ADHFE1: variants seen among roughly 807,000 people sequenced by gnomAD.
The protein encoded by ADHFE1 is alcohol dehydrogenase iron containing 1.
A neutral mutation model predicts 54.8 loss-of-function variants in ADHFE1; 37 were observed. The observed-to-expected ratio is 0.68, with a 90% confidence interval of 0.52 to 0.89. ADHFE1 has a LOEUF of 0.89. Ranked by LOEUF, ADHFE1 falls within the 40% of genes least tolerant of loss-of-function variation. The pLI is 0.00. For missense variants in ADHFE1, 601 were observed against 591.2 expected, an observed-to-expected ratio of 1.02 and a Z score of -0.17; for synonymous variants, 203 against 229.3, an observed-to-expected ratio of 0.89 and a Z score of 1.04.
At chr8:66,442,586 C>T (rs562062311) in intron 2 of ADHFE1, among the ~76,000 whole-genome samples, 2 of 152,228 alleles carry the variant, frequency 1.3e-5, no homozygotes, top group East Asian at 1.9e-4. Context: ...GCTGGGATTA[C>T]AGGTGTGAGC....
At chr8:66,457,660 T>C (rs1212456852) in intron 12 of ADHFE1, among the ~76,000 whole-genome samples, 2 of 152,074 alleles carry the variant, frequency 1.3e-5, no homozygotes, top group African/African-American at 2.4e-5. Flanking sequence ...TCCTGTTTCT[T>C]TAAAAACATT....
chr8:66,456,877 T>C lies in ADHFE1; in HGVS notation c.1047T>C (p.Asn349=). The C allele has an allele frequency of 6.4e-7, 1 of 1,574,632 alleles. No individual in the cohort carries two copies. Among genetic ancestry groups the C allele is most frequent in the Non-Finnish European group, 8.6e-7 (1 of 1,164,758 alleles). The change falls in exon 11 of 14, where the codon AAT becomes AAC. Residue 349 remains asparagine (N), a synonymous_variant. Transcript: ENST00000396623. ...AGATGTATAAAGCAAAGGATTACAA[T>C]GTGGATCACCCACTGGTGGTAAAAT... The part of the protein sequence containing the change: ...LVKMYKAKDY[N]VDHPLVPHGL...
chr8:66,466,947 G>A (rs1029539510), intron 13 of ADHFE1, among the ~76,000 whole-genome samples: 1 of 152,232 alleles, frequency 6.6e-6, no homozygotes, highest in African/African-American at 2.4e-5. Flanking sequence ...TAGCCTTAGA[G>A]GCCATGGTTT....
At chr8:66,450,432 G>A (rs148173646) in intron 8 of ADHFE1, among the ~76,000 whole-genome samples, 35 of 152,318 alleles carry the variant, frequency 2.3e-4, no homozygotes, top group African/African-American at 8.4e-4. Context: ...TGAGGAATCT[G>A]CCCATAAGGC....
At chr8:66,447,430 A>C in intron 7 of ADHFE1, 89 bp downstream of exon 7, 1 of 1,133,186 alleles carries the variant, frequency 8.8e-7, no homozygotes, top group South Asian at 1.4e-5. Context: ...AGCAGTTATG[A>C]TACAGTTAGA....
chr8:66,444,746 A>G lies in ADHFE1; in HGVS notation c.351A>G (p.Ser117=), dbSNP rs148000398. The G allele has an allele frequency of 2.2e-5, 35 of 1,613,834 alleles. No homozygotes were observed. The African/African-American group carries it at 4.4e-4, about 20-fold the overall frequency. The change falls in exon 5 of 14, where the codon TCA becomes TCG. Residue 117 remains serine, a splice_region_variant and synonymous_variant. Coordinates refer to ENST00000396623, the MANE Select transcript of ADHFE1 (RefSeq NM_144650.3). The part of the protein sequence containing the change: ...YDNVRVEPTD[S]SFMEAIEFAQ... ...ATGTGAGAGTGGAACCAACGGATTC[A>G]AGGTATTCTTGTATTGTTGTTATTG...
rs202039447 is a variant in ADHFE1, at chr8:66,445,276, G to A, written c.412G>A (p.Gly138Ser). Residue 138 changes from glycine (G) to serine (S), a missense_variant, in exon 6 of 14, where the codon GGT (glycine) becomes AGT (serine). Coordinates refer to ENST00000396623, the MANE Select transcript of ADHFE1 (RefSeq NM_144650.3). ...KGAFDAYVAVGGGSTMDTCKA... is the reference protein window; with the variant it reads ...KGAFDAYVAVSGGSTMDTCKA... The stretch of plus-strand genomic sequence containing the variant: ...AGCTTTTGATGCCTATGTTGCTGTC[G>A]GTGGTGGCTCTACCATGGACACCTG... 15 of 1,613,570 alleles carry A rather than the reference G, an allele frequency of 9.3e-6. No individual in the cohort carries two copies. The highest frequency in any genetic ancestry group is 2.2e-5 in the East Asian group (1 of 44,864).
intron 1 of ADHFE1, among the ~76,000 whole-genome samples, chr8:66,437,298 T>G (rs566767031): frequency 1.4e-4 from 22 of 152,240 alleles, no homozygotes; most frequent in Admixed American, 1.0e-3. Flanking sequence ...CTGCTGGCAG[T>G]CCTTGAGTAG....
chr8:66,468,083 G>C (rs1807295244), intron 13 of ADHFE1, among the ~76,000 whole-genome samples, 186 bp from the exon 14 acceptor site: 1 of 152,150 alleles, frequency 6.6e-6, no homozygotes, highest in African/African-American at 2.4e-5. Flanking sequence ...TGGGGAAAGA[G>C]GTATGATGTG....
chr8:66,439,642 G>C lies in ADHFE1; in HGVS notation c.60-520G>C. The C allele has an allele frequency of 6.1e-6, 6 of 985,912 alleles. No individual in the cohort carries two copies. The highest frequency in any genetic ancestry group is 7.2e-6 in the Non-Finnish European group (6 of 830,360). 61.1% of individuals were successfully genotyped at this position (985,912 alleles called of 1,614,324 possible). A position where few individuals can be genotyped will look rare whatever the true frequency, so the allele number is the denominator to read the frequency against. On this transcript the variant is annotated intron_variant, in intron 1 of 13. Transcript: ENST00000396623. This position sits in a 1 kb window ranked among gnomAD's most constrained non-coding sequence, Gnocchi z 4.4. Reference sequence around the variant, plus strand: ...GGCAGAGAAAGATGGGGACCAGGGAGGTCTTTGGGTCCAGGAAGTTCTCCT... The same window carrying C: ...GGCAGAGAAAGATGGGGACCAGGGACGTCTTTGGGTCCAGGAAGTTCTCCT...
Position 66,452,030 on chromosome 8 carries a change from C to CG in ADHFE1, c.813dup (p.Tyr272ValfsTer9). The stretch of plus-strand genomic sequence containing the variant: ...CCTTCAAATCCCATCACACGGCCTG[C>CG]GTACCAGGGCAGCAACCCAATCAGT... On this transcript the variant is annotated frameshift_variant, in exon 9 of 14. Transcript: ENST00000396623. LOFTEE classifies it high-confidence loss of function. 1 of 1,614,218 alleles carries CG rather than the reference C, an allele frequency of 6.2e-7. No individual in the cohort carries two copies.
In ADHFE1 at chr8:66,448,854, T is replaced by A; in HGVS notation, c.629-11T>A. On this transcript the variant is annotated splice_polypyrimidine_tract_variant and intron_variant, in intron 7 of 13. Transcript: ENST00000396623. The stretch of plus-strand genomic sequence containing the variant: ...TGGCTTTAGCCTCTACTGAAAATCC[T>A]TATGTTTTAGGCATCACTTCGAGAG... 1 of 1,611,992 alleles carries A rather than the reference T, an allele frequency of 6.2e-7. No individual in the cohort carries two copies. Among genetic ancestry groups the A allele is most frequent in the Non-Finnish European group, 8.5e-7 (1 of 1,178,504 alleles).
chr8:66,444,311 A>G lies in ADHFE1; in HGVS notation c.145-56A>G, dbSNP rs1319428758. The G allele has an allele frequency of 2.3e-5, 36 of 1,549,454 alleles. No individual in the cohort carries two copies. In the Admixed American group the frequency reaches 5.2e-4, roughly 22 times the overall value. ...AAGAAACCATTTCAGGTTTTTAGAA[A>G]TGGACTGGCCAACTCTCAAATACTC... On this transcript the variant is annotated intron_variant, in intron 3 of 13. Transcript: ENST00000396623.
At chr8:66,453,779 C>G in intron 9 of ADHFE1, 1 of 1,412,962 alleles carries the variant, frequency 7.1e-7, no homozygotes, top group Non-Finnish European at 9.5e-7. Context: ...GTGGCCCTCG[C>G]CATCCAGGGA....
At chr8:66,432,811 G>A in intron 1 of ADHFE1, 1 of 1,227,062 alleles carries the variant, frequency 8.1e-7, no homozygotes, top group Non-Finnish European at 1.0e-6. Context: ...TACCGTTAAA[G>A]AAACTGAGGC....
intron 13 of ADHFE1, 120 bp downstream of exon 13, chr8:66,460,585 C>A: frequency 8.1e-7 from 1 of 1,229,884 alleles, no homozygotes; most frequent in Non-Finnish European, 1.1e-6. Context: ...GTTCTCGGGT[C>A]TCCTCCACAG....
At chr8:66,434,308 A>G (rs538649413) in intron 1 of ADHFE1, among the ~76,000 whole-genome samples, 1 of 152,198 alleles carries the variant, frequency 6.6e-6, no homozygotes, top group Non-Finnish European at 1.5e-5. Context: ...CTTCTGGTAC[A>G]TTCAGATGGA....
At chr8:66,450,567 G>A (rs537953312) in intron 8 of ADHFE1, among the ~76,000 whole-genome samples, 2 of 152,350 alleles carry the variant, frequency 1.3e-5, no homozygotes, top group South Asian at 4.1e-4. Context: ...AGGGAGAGAA[G>A]GTGCCATCGG....
chr8:66,452,865 G>A (rs1017817480), intron 9 of ADHFE1, among the ~76,000 whole-genome samples: 8 of 152,170 alleles, frequency 5.3e-5, no homozygotes, highest in Admixed American at 3.3e-4. Context: ...TGAGATATTA[G>A]GACATACTCA....
Sources: gnomAD v4.1 joint callset for allele counts (sites outside exome capture counted in the v4.1 genomes callset) on GRCh38, gnomAD v4.1.1 for gene constraint, Gnocchi (gnomAD v3.1) non-coding constraint, MANE v1.5 for transcripts, NCBI Gene and HGNC (gene_info 2026-07-23, HGNC 2026-07-21) for gene names.